The following TAB2 variants were observed in gnomAD, a reference collection of about 807,000 sequenced individuals.
TAB2 encodes TGF-beta-activated kinase 1 and MAP3K7-binding protein 2.
TAB2 carries 3 observed loss-of-function variants against 65.0 expected under a neutral mutation model. The observed-to-expected ratio is 0.05, with a 90% CI of 0.02 to 0.12. The LOEUF is 0.12. Ranked by LOEUF, TAB2 falls within the 10% of genes least tolerant of loss-of-function variation. The probability of loss-of-function intolerance (pLI) is 1.00; values close to 1 mark genes in which losing one functional copy is unlikely to be tolerated. For synonymous variants in TAB2, 298 were observed against 285.1 expected (o/e 1.05, Z -0.46); for missense variants, 623 against 840.3 (o/e 0.74, Z 3.20).
In TAB2 at chr6:149,292,507, A is replaced by G. The variant is rs953445184; in HGVS notation, c.-121+73731A>G. 1.4e-4 allele frequency among the ~76,000 whole-genome samples: 21 copies of G among 152,382 alleles called. 1 individual carries two copies. The highest frequency in any genetic ancestry group is 4.8e-4 in the African/African-American group (20 of 41,604). On this transcript the variant is annotated intron_variant, in intron 1 of 1. Transcript: ENST00000606202. ...ATTTCTCCTTACTTTGAAAAAGAGA[A>G]TAAAATAAACTTTGAAAAAGGGAAT...
intron 1 of TAB2, among the ~76,000 whole-genome samples, chr6:149,333,881 T>C (rs1779857358): frequency 6.6e-6 from 1 of 152,108 alleles, no homozygotes; most frequent in East Asian, 1.9e-4. Flanking sequence ...GCATTAAGCA[T>C]CTCAGGGAAT....
At chr6:149,227,391 C>A (rs1354055271) in intron 1 of TAB2, among the ~76,000 whole-genome samples, 1 of 152,098 alleles carries the variant, frequency 6.6e-6, no homozygotes, top group Non-Finnish European at 1.5e-5. Flanking sequence ...AAAAATCTGA[C>A]CCCTTGATGT....
chr6:149,254,014 G>GAAAGAAAGAA (rs1562389426), intron 1 of TAB2, among the ~76,000 whole-genome samples: 1 of 135,642 alleles, frequency 7.4e-6, no homozygotes, highest in African/African-American at 2.7e-5. Flanking sequence ...AAGAAAGAAA[G>GAAAGAAAGAA]AAAGAAAGAA....
At chr6:149,326,283 AAAAAAAAGAC>A (rs890116595) in intron 1 of TAB2, among the ~76,000 whole-genome samples, 1 of 152,004 alleles carries the variant, frequency 6.6e-6, no homozygotes, top group Non-Finnish European at 1.5e-5. Flanking sequence ...AAAAAAAAAA[AAAAAAAAGAC>A]AGTTTAAAAA....
rs940274464 is a variant in TAB2 at position 149,409,733 on chromosome 6, G to A, written c.*14G>A. On this transcript the variant is annotated 3_prime_UTR_variant, in exon 7 of 7. Transcript: ENST00000637181. ...AGGCATTTCTGAGCCAAATGGCCCT[G>A]TATCTTCTCTAAAACCACATCTAAA... 1.2e-6 allele frequency: 2 copies of A among 1,613,866 alleles called. No individual in the cohort carries two copies. Among genetic ancestry groups the A allele is most frequent in the Non-Finnish European group, 8.5e-7 (1 of 1,179,880 alleles).
At chr6:149,391,546 CAG>C (rs1781985182) in intron 3 of TAB2, among the ~76,000 whole-genome samples, 1 of 151,856 alleles carries the variant, frequency 6.6e-6, no homozygotes. Context: ...TTGGGGGTAT[CAG>C]GGACAGGGGC....
At chr6:149,259,449 A>C (rs1300518189) in intron 1 of TAB2, among the ~76,000 whole-genome samples, 1 of 152,020 alleles carries the variant, frequency 6.6e-6, no homozygotes, top group Non-Finnish European at 1.5e-5. Context: ...TATAGATGTT[A>C]GGGGGCTTAT....
At chr6:149,345,856 T>C (rs895454493) in intron 1 of TAB2, among the ~76,000 whole-genome samples, 7 of 152,188 alleles carry the variant, frequency 4.6e-5, no homozygotes, top group African/African-American at 1.4e-4. Flanking sequence ...TAAGGTCTTA[T>C]AGGTCCATAT....
upstream of TAB2, chr6:149,218,085 G>C (rs1403855236): frequency 6.6e-6 from 1 of 152,100 alleles, no homozygotes; most frequent in Admixed American, 6.6e-5. Context: ...TACTAACCTG[G>C]TATGCATCTT....
At chr6:149,245,890 T>C (rs1486296542) in intron 1 of TAB2, among the ~76,000 whole-genome samples, 1 of 152,172 alleles carries the variant, frequency 6.6e-6, no homozygotes, top group East Asian at 1.9e-4. Flanking sequence ...TTCTCCCTCC[T>C]CTGCGTTTAC....
chr6:149,314,140 G>A (rs1779209946), upstream of TAB2, among the ~76,000 whole-genome samples: 1 of 152,064 alleles, frequency 6.6e-6, no homozygotes, highest in Admixed American at 6.6e-5. Flanking sequence ...TTACAGATTG[G>A]GATTTAAGTT....
In TAB2 at chr6:149,301,638, A is replaced by G. The variant is rs115105350; in HGVS notation, c.-120-76380A>G. Among the ~76,000 whole-genome samples, 635 of 152,328 alleles carry G rather than the reference A, an allele frequency of 4.2e-3. 3 individuals are homozygous for G. Among genetic ancestry groups the G allele is most frequent in the African/African-American group, 0.015 (620 of 41,578 alleles). Reference sequence around the variant, plus strand: ...ATCTTTTTGTTTGTTTCATTTATGTAAAAGTTGTTTCATACTACAAGAACT... The same window carrying G: ...ATCTTTTTGTTTGTTTCATTTATGTGAAAGTTGTTTCATACTACAAGAACT... On this transcript the variant is annotated intron_variant, in intron 1 of 1. Transcript: ENST00000606202.
chr6:149,293,331 G>T (rs1778810911), intron 1 of TAB2, among the ~76,000 whole-genome samples: 1 of 152,180 alleles, frequency 6.6e-6, no homozygotes, highest in South Asian at 2.1e-4. Context: ...AGGATGATTA[G>T]TAATCTACCT....
intron 1 of TAB2, among the ~76,000 whole-genome samples, chr6:149,293,990 G>T (rs1027282505): frequency 1.3e-5 from 2 of 151,876 alleles, no homozygotes; most frequent in African/African-American, 4.8e-5. Flanking sequence ...ATTAATAGAA[G>T]ATTTTTAAAG....
In TAB2 at chr6:149,397,956, A is replaced by T; in HGVS notation, c.1765-13A>T. 6.2e-7 allele frequency: 1 copy of T among 1,611,524 alleles called. No homozygotes were observed. The highest frequency in any genetic ancestry group is 1.1e-5 in the South Asian group (1 of 90,974). On this transcript the variant is annotated splice_polypyrimidine_tract_variant and intron_variant, in intron 4 of 6. Transcript: ENST00000637181. ...TTCAGTGCAAATCTTACTTACATAG[A>T]ATTATTTTTCAGCTTGAAGAAATGC...
intron 1 of TAB2, among the ~76,000 whole-genome samples, chr6:149,346,243 AT>A (rs1780294488): frequency 6.6e-6 from 1 of 152,018 alleles, no homozygotes; most frequent in Admixed American, 6.6e-5. Context: ...TCCTAGTGCT[AT>A]TGTGCACACG....
chr6:149,319,761 C>A (rs1205080229), intron 1 of TAB2, among the ~76,000 whole-genome samples: 1 of 152,114 alleles, frequency 6.6e-6, no homozygotes, highest in East Asian at 1.9e-4. Context: ...TCCATTATTT[C>A]TTTTTTCTTT....
chr6:149,403,247 AATATATATATAT>A (rs71010865), intron 6 of TAB2, among the ~76,000 whole-genome samples: 4 of 44,034 alleles, frequency 9.1e-5, no homozygotes, highest in Non-Finnish European at 1.1e-4. Flanking sequence ...AAAAAAAAAA[AATATATATATAT>A]ATATATATAT....
chr6:149,384,908 A>G (rs1347924308), intron 3 of TAB2, among the ~76,000 whole-genome samples: 1 of 151,998 alleles, frequency 6.6e-6, no homozygotes, highest in Non-Finnish European at 1.5e-5. Context: ...TTTCCACACA[A>G]CTCCATCTGT....
Sources: gnomAD v4.1 joint callset for allele counts (sites outside exome capture counted in the v4.1 genomes callset) on GRCh38, gnomAD v4.1.1 for gene constraint, MANE v1.5 for transcripts, NCBI Gene and HGNC (gene_info 2026-07-23, HGNC 2026-07-21) for gene names.